The following UNC79 variants were observed in gnomAD, a reference collection of about 807,000 sequenced individuals.
The protein encoded by UNC79 is unc-79 subunit of NALCN channel complex, also known as protein unc-79 homolog.
UNC79 carries 37 observed loss-of-function variants against 283.1 expected under a neutral mutation model. The ratio of observed to expected loss-of-function variants is 0.13; its 90% CI spans 0.10 to 0.17. The LOEUF (loss-of-function observed/expected upper bound fraction) is 0.17. Among genes scored for constraint, UNC79 ranks in the 10% least tolerant of loss-of-function variants. UNC79 has a pLI of 1.00. For missense variants in UNC79, 2,272 were observed against 3,211.1 expected, an observed-to-expected ratio of 0.71 and a Z score of 7.07; for synonymous variants, 1,107 against 1,200.2, an observed-to-expected ratio of 0.92 and a Z score of 1.61.
intron 40 of UNC79, among the ~76,000 whole-genome samples, chr14:93,670,748 T>C (rs1418946487): frequency 1.4e-4 from 22 of 152,214 alleles, no homozygotes; most frequent in Non-Finnish European, 1.5e-5. Context: ...GTGGGGCTGA[T>C]AGCCCCAACT....
At chr14:93,608,869 A>C (rs1167302953) in intron 26 of UNC79, among the ~76,000 whole-genome samples, 1 of 152,250 alleles carries the variant, frequency 6.6e-6, no homozygotes, top group Non-Finnish European at 1.5e-5. Flanking sequence ...TTTATGTATA[A>C]TAAGTATCTA....
chr14:93,372,187 ATAAT>A (rs78974897), intron 1 of UNC79, among the ~76,000 whole-genome samples: 9,929 of 152,270 alleles, frequency 0.065, 592 homozygotes, highest in East Asian at 0.34. Flanking sequence ...TTGGTCATAA[ATAAT>A]TTGTTCAAAA....
intron 1 of UNC79, among the ~76,000 whole-genome samples, chr14:93,420,009 A>G (rs148226993): frequency 1.2e-3 from 178 of 151,788 alleles, no homozygotes; most frequent in African/African-American, 4.1e-3. Context: ...CACCAGAGAA[A>G]ATTATCTTCC....
intron 20 of UNC79, among the ~76,000 whole-genome samples, chr14:93,585,277 G>C (rs2064138417): frequency 6.6e-6 from 1 of 152,126 alleles, no homozygotes; most frequent in Non-Finnish European, 1.5e-5. Context: ...TTCCCTCAGA[G>C]CCTCTCTCCT....
At chr14:93,542,045 G>T (rs1293277754) in intron 13 of UNC79, among the ~76,000 whole-genome samples, 3 of 149,476 alleles carry the variant, frequency 2.0e-5, no homozygotes, top group Non-Finnish European at 1.5e-5. Flanking sequence ...TTATGATAGT[G>T]AATTGGGGGG....
intron 1 of UNC79, among the ~76,000 whole-genome samples, chr14:93,377,774 A>G (rs1377192086): frequency 6.6e-6 from 1 of 152,194 alleles, no homozygotes; most frequent in Non-Finnish European, 1.5e-5. Context: ...CCAATAAAAT[A>G]TTATTGCACG....
chr14:93,365,641 C>T (rs545527894), intron 1 of UNC79, among the ~76,000 whole-genome samples: 224 of 152,116 alleles, frequency 1.5e-3, no homozygotes, highest in African/African-American at 5.0e-3. Flanking sequence ...TCAACATCTG[C>T]GCTAAATATC....
chr14:93,356,454 T>C (rs2054088406), intron 1 of UNC79, among the ~76,000 whole-genome samples: 2 of 152,214 alleles, frequency 1.3e-5, no homozygotes. Flanking sequence ...AATCTCTGTT[T>C]CCTCACCCAC....
intron 10 of UNC79, among the ~76,000 whole-genome samples, chr14:93,530,895 C>T (rs149338660): frequency 0.015 from 2,340 of 152,162 alleles, 25 homozygotes; most frequent in Non-Finnish European, 0.024. Flanking sequence ...GGCAACAGAG[C>T]GAGACTCCGT....
At chr14:93,597,318 T>C (rs1432740861) in intron 23 of UNC79, 41 bp from the exon 24 acceptor site, 10 of 1,595,468 alleles carry the variant, frequency 6.3e-6, no homozygotes, top group Non-Finnish European at 8.6e-6. Flanking sequence ...CCTGTAGGTG[T>C]GTGTGTATTT....
intron 1 of UNC79, among the ~76,000 whole-genome samples, chr14:93,441,926 C>T (rs1207518800): frequency 6.6e-6 from 1 of 152,118 alleles, no homozygotes; most frequent in Non-Finnish European, 1.5e-5. Flanking sequence ...GAAGGGCTTA[C>T]AGAATCAATT....
intron 41 of UNC79, among the ~76,000 whole-genome samples, chr14:93,679,072 T>C (rs188562009): frequency 1.4e-4 from 22 of 152,324 alleles, no homozygotes; most frequent in African/African-American, 5.3e-4. Flanking sequence ...GTTCTCAAGA[T>C]AGATTAGAGT....
At chr14:93,600,191 C>G (rs1276783182) in intron 24 of UNC79, among the ~76,000 whole-genome samples, 1 of 152,070 alleles carries the variant, frequency 6.6e-6, no homozygotes, top group Non-Finnish European at 1.5e-5. Flanking sequence ...CAGAGTGAGA[C>G]TTCATCTCAA....
chr14:93,564,057 G>A (rs370678412), intron 14 of UNC79, among the ~76,000 whole-genome samples: 2 of 152,192 alleles, frequency 1.3e-5, no homozygotes, highest in East Asian at 3.8e-4. Flanking sequence ...AGGTCAAGTT[G>A]TTTGGACAAA....
intron 41 of UNC79, among the ~76,000 whole-genome samples, chr14:93,676,830 G>C (rs2073383799): frequency 6.6e-6 from 1 of 152,144 alleles, no homozygotes; most frequent in African/African-American, 2.4e-5. Flanking sequence ...AAATGAAGAA[G>C]AAAGACAGCA....
chr14:93,597,380 G>T, exon 24 of UNC79: 1 of 1,613,966 alleles, frequency 6.2e-7, no homozygotes. Context: ...GCTGTAATTT[G>T]TAGATTTCTG....
At chr14:93,421,805 T>C (rs186090068) in intron 1 of UNC79, among the ~76,000 whole-genome samples, 78 of 151,472 alleles carry the variant, frequency 5.1e-4, no homozygotes, top group African/African-American at 1.9e-3. Context: ...CAAGAACATT[T>C]ATCATGGCCA....
chr14:93,533,144 AG>A (rs1373760200), intron 11 of UNC79, among the ~76,000 whole-genome samples: 1 of 152,150 alleles, frequency 6.6e-6, no homozygotes, highest in African/African-American at 2.4e-5. Flanking sequence ...AAAGAGTAAG[AG>A]GAGGCAGTAT....
At chr14:93,348,722 T>A (rs2053920544) in intron 1 of UNC79, among the ~76,000 whole-genome samples, 1 of 152,230 alleles carries the variant, frequency 6.6e-6, no homozygotes, top group Admixed American at 6.5e-5. Flanking sequence ...ATCATACACA[T>A]CTTTGAACTG....
Sources: gnomAD v4.1 joint callset for allele counts (sites outside exome capture counted in the v4.1 genomes callset) on GRCh38, gnomAD v4.1.1 for gene constraint, MANE v1.5 for transcripts, NCBI Gene and HGNC (gene_info 2026-07-23, HGNC 2026-07-21) for gene names.